GCNT2: variants seen among roughly 807,000 people sequenced by gnomAD.
GCNT2 encodes glucosaminyl (N-acetyl) transferase 2 (I blood group).
A neutral mutation model predicts 34.2 loss-of-function variants in GCNT2; 34 were observed. The observed-to-expected ratio is 1.00, with a 90% CI of 0.76 to 1.32. The LOEUF (loss-of-function observed/expected upper bound fraction) is 1.32, where lower values mean the gene tolerates loss of function less well. Ranked by LOEUF, GCNT2 falls within the 40% of genes most tolerant of loss-of-function variation. The pLI is 0.00. For missense variants in GCNT2, 584 were observed against 489.4 expected, an observed-to-expected ratio of 1.19 and a Z score of -1.82; for synonymous variants, 212 against 188.0, an observed-to-expected ratio of 1.13 and a Z score of -1.04.
rs1006202673 is a variant in GCNT2 at position 10,593,802 on chromosome 6, A to G, written c.926-27549A>G. The stretch of plus-strand genomic sequence containing the variant: ...TCTAAATTATCTCTTGAAAATACAT[A>G]TCTCTTCCCTATTTCTCTTTACACA... On this transcript the variant is annotated intron_variant, in intron 3 of 4. Transcript: ENST00000495262. Among the ~76,000 whole-genome samples, 4 of 152,166 alleles carry G rather than the reference A, an allele frequency of 2.6e-5. No homozygotes were observed. The South Asian group carries it at 6.2e-4, about 24-fold the overall frequency.
intron 3 of GCNT2, among the ~76,000 whole-genome samples, chr6:10,532,299 C>T (rs1761532531): frequency 6.6e-6 from 1 of 152,206 alleles, no homozygotes; most frequent in Non-Finnish European, 1.5e-5. Context: ...TTAGCAGTAA[C>T]AGATTGGCAA....
intron 1 of GCNT2, chr6:10,521,742 A>G (rs749540609): frequency 1.3e-5 from 2 of 151,646 alleles, no homozygotes; most frequent in Non-Finnish European, 2.9e-5. Flanking sequence ...ATCTGTCTCT[A>G]AATCATTAGT....
At chr6:10,557,220 C>T (rs1323246524) in intron 3 of GCNT2, 2 of 1,586,888 alleles carry the variant, frequency 1.3e-6, no homozygotes, top group Non-Finnish European at 1.7e-6. Context: ...GCCTATGTGG[C>T]TCTATCAAGA....
At chr6:10,603,817 CTTTT>C (rs571206713) in intron 3 of GCNT2, among the ~76,000 whole-genome samples, 1,911 of 114,686 alleles carry the variant, frequency 0.017, 16 homozygotes, top group Non-Finnish European at 0.023. Context: ...GCCTGACAGT[CTTTT>C]TTTTTTTTTT....
chr6:10,529,576 C>G lies in GCNT2; in HGVS notation c.665C>G (p.Pro222Arg). Residue 222 changes from proline to arginine, a missense_variant, in exon 3 of 5, where the codon CCT becomes CGT. Physicochemically the swap from Pro to Arg is moderately radical, Grantham distance 103. Coordinates refer to ENST00000495262, the MANE Select transcript of GCNT2 (RefSeq NM_145649.5). ...AATATCACCCCCGGAGTGCTGCCTCCTGACCACGCTGTTGGACGGACTAAA... is the reference window on the plus strand; with the variant it reads ...AATATCACCCCCGGAGTGCTGCCTCGTGACCACGCTGTTGGACGGACTAAA... ...GKNITPGVLP[P>R]DHAVGRTKYV... The G allele has an allele frequency of 6.2e-7, 1 of 1,614,192 alleles. No homozygotes were observed. Among genetic ancestry groups the G allele is most frequent in the Non-Finnish European group, 8.5e-7 (1 of 1,180,022 alleles).
chr6:10,563,768 AAAAAAAAAAAT>A (rs1302891697), intron 3 of GCNT2, among the ~76,000 whole-genome samples: 250 of 74,632 alleles, frequency 3.3e-3, no homozygotes, highest in African/African-American at 9.5e-3. Flanking sequence ...AAAAAAAAAA[AAAAAAAAAAAT>A]ATATATATAT....
At chr6:10,550,509 GAGAC>G (rs1333280459) in intron 3 of GCNT2, among the ~76,000 whole-genome samples, 3 of 151,920 alleles carry the variant, frequency 2.0e-5, no homozygotes, top group African/African-American at 7.3e-5. Context: ...TATTATTATT[GAGAC>G]AGGGTCTTGC....
chr6:10,612,476 G>A (rs1765601022), intron 3 of GCNT2, among the ~76,000 whole-genome samples: 3 of 152,112 alleles, frequency 2.0e-5, no homozygotes, highest in East Asian at 3.8e-4. Context: ...CAGCCCCCAC[G>A]ACAAAGAATT....
intron 3 of GCNT2, chr6:10,556,190 A>G (rs2113658327): frequency 1.4e-6 from 2 of 1,396,622 alleles, no homozygotes; most frequent in Non-Finnish European, 9.3e-7. Context: ...GCAACCTGCC[A>G]CGGGGATTTA....
chr6:10,556,090 T>C, intron 3 of GCNT2: 4 of 1,212,586 alleles, frequency 3.3e-6, no homozygotes, highest in Non-Finnish European at 4.1e-6. Context: ...AAACTAAATC[T>C]GCCGGGGGAA....
chr6:10,609,273 G>C (rs569004526), intron 3 of GCNT2, among the ~76,000 whole-genome samples: 1 of 152,152 alleles, frequency 6.6e-6, no homozygotes, highest in African/African-American at 2.4e-5. Flanking sequence ...TGGTGAAGGC[G>C]TTCATGCTGC....
intron 3 of GCNT2, among the ~76,000 whole-genome samples, chr6:10,588,483 T>C (rs1192780190): frequency 6.6e-6 from 1 of 152,192 alleles, no homozygotes; most frequent in African/African-American, 2.4e-5. Context: ...TAGCTTTTCA[T>C]AGGCAAAGCT....
rs1491129469 is a variant in GCNT2 at position 10,534,139 on chromosome 6, C to CTTTTTTTTTTTT, written c.925+4304_925+4305insTTTTTTTTTTTT. Among the ~76,000 whole-genome samples, 352 of 123,088 alleles carry CTTTTTTTTTTTT rather than the reference C, an allele frequency of 2.9e-3. 38 individuals are homozygous for CTTTTTTTTTTTT. The highest frequency in any genetic ancestry group is 4.5e-3 in the South Asian group (14 of 3,124). The allele number at this position is 123,088 out of a possible 152,430, so 80.8% of individuals were successfully genotyped here. ...CTGGTATCTGCCAGATTCCATGCTG[C>CTTTTTTTTTTTT]TCTTTTTTTTTTTTTTTTTTAAGAT... On this transcript the variant is annotated intron_variant, in intron 3 of 4. Transcript: ENST00000495262.
intron 3 of GCNT2, among the ~76,000 whole-genome samples, chr6:10,563,773 A>AT (rs1371835390): frequency 0.019 from 755 of 40,724 alleles, 2 homozygotes; most frequent in Non-Finnish European, 0.025. Flanking sequence ...AAAAAAAAAA[A>AT]AAAAATATAT....
chr6:10,524,145 A>T (rs1379018537), intron 1 of GCNT2, among the ~76,000 whole-genome samples: 1 of 150,730 alleles, frequency 6.6e-6, no homozygotes, highest in African/African-American at 2.4e-5. Flanking sequence ...TCTCAAATTC[A>T]CTCCAAGAGG....
At chr6:10,592,128 G>T (rs1253459053) in intron 3 of GCNT2, among the ~76,000 whole-genome samples, 1 of 146,688 alleles carries the variant, frequency 6.8e-6, no homozygotes, top group African/African-American at 2.5e-5. Flanking sequence ...CTAAAATAAC[G>T]CTACTTGGGG....
chr6:10,539,660 A>G (rs1255913943), intron 3 of GCNT2, among the ~76,000 whole-genome samples: 1 of 152,186 alleles, frequency 6.6e-6, no homozygotes, highest in Non-Finnish European at 1.5e-5. Context: ...GAGAAAACAG[A>G]TGAACTTCTC....
chr6:10,617,294 C>T (rs924140439), intron 3 of GCNT2, among the ~76,000 whole-genome samples: 15 of 152,320 alleles, frequency 9.8e-5, no homozygotes, highest in East Asian at 3.9e-4. Flanking sequence ...GCGGCGGGGC[C>T]GGCCGGCTTC....
At chr6:10,605,958 G>A (rs1765292488) in intron 3 of GCNT2, among the ~76,000 whole-genome samples, 1 of 152,124 alleles carries the variant, frequency 6.6e-6, no homozygotes, top group South Asian at 2.1e-4. Flanking sequence ...TCTCTGATGG[G>A]CTTGCCTCAG....
Sources: gnomAD v4.1 joint callset for allele counts (sites outside exome capture counted in the v4.1 genomes callset) on GRCh38, gnomAD v4.1.1 for gene constraint, MANE v1.5 for transcripts, NCBI Gene and HGNC (gene_info 2026-07-23, HGNC 2026-07-21) for gene names.